Variants in DNAH11 observed in about 807,000 individuals in gnomAD.
DNAH11 encodes the protein dynein axonemal heavy chain 11.
DNAH11 carries 442 observed loss-of-function variants against 526.0 expected under a neutral mutation model. The ratio of observed to expected loss-of-function variants is 0.84; its 90% CI spans 0.78 to 0.91. The LOEUF (loss-of-function observed/expected upper bound fraction) is 0.91. DNAH11 is among the 40% of genes least tolerant of loss of function. The pLI is 0.00. For missense variants in DNAH11, 6,989 were observed against 5,448.7 expected (o/e 1.28, Z -8.90); for synonymous variants, 2,461 against 1,935.9 (o/e 1.27, Z -7.12).
chr7:21,638,081 A>G (rs1017525215), intron 27 of DNAH11, among the ~76,000 whole-genome samples: 5 of 152,182 alleles, frequency 3.3e-5, no homozygotes. Context: ...TCATTTTATT[A>G]GAAATTATCC....
Position 21,637,685 on chromosome 7 carries a change from T to TA in DNAH11, c.4803dup (p.Asp1602ArgfsTer10). ...GCAGACCTAATCTCTATGAAAAACT[T>TA]AAAGATTTACAGTCCAGGTAAGAAT... On this transcript the variant is annotated frameshift_variant, in exon 27 of 82. Coordinates refer to ENST00000409508, the MANE Select transcript of DNAH11 (RefSeq NM_001277115.2). LOFTEE classifies it high-confidence loss of function. 6.4e-7 allele frequency: 1 copy of TA among 1,566,470 alleles called. No homozygotes were observed. Among genetic ancestry groups the TA allele is most frequent in the Non-Finnish European group, 8.7e-7 (1 of 1,155,712 alleles).
intron 45 of DNAH11, among the ~76,000 whole-genome samples, chr7:21,733,224 T>C (rs996178290): frequency 6.6e-6 from 1 of 152,188 alleles, no homozygotes; most frequent in African/African-American, 2.4e-5. Flanking sequence ...TCTTCTGTAC[T>C]AAAAATACAA....
intron 61 of DNAH11, among the ~76,000 whole-genome samples, chr7:21,791,496 A>G (rs146556920): frequency 4.5e-4 from 69 of 152,312 alleles, no homozygotes; most frequent in African/African-American, 1.7e-3. Flanking sequence ...CATACATTGC[A>G]AAGATAGTGT....
At chr7:21,857,359 T>C (rs1206296088) in intron 68 of DNAH11, among the ~76,000 whole-genome samples, 2 of 152,200 alleles carry the variant, frequency 1.3e-5, no homozygotes, top group African/African-American at 4.8e-5. Context: ...TCAGTTGGAA[T>C]GCTCAATATT....
At chr7:21,726,589 C>T (rs1027604992) in intron 45 of DNAH11, among the ~76,000 whole-genome samples, 27 of 151,738 alleles carry the variant, frequency 1.8e-4, no homozygotes, top group Non-Finnish European at 2.5e-4. Flanking sequence ...TGGCCAGGCG[C>T]GGTGGTTCAT....
rs1788091484 is a variant in DNAH11 at position 21,784,552 on chromosome 7, T to G, written c.9597+12T>G. 1.3e-6 allele frequency: 2 copies of G among 1,570,026 alleles called. No individual in the cohort carries two copies. Among genetic ancestry groups the G allele is most frequent in the Non-Finnish European group, 1.7e-6 (2 of 1,153,964 alleles). ...ATACACTCAACAGGGTAAAGATAAT[T>G]TATTGGTCCCTGAGTTTCCTCAAAG... On this transcript the variant is annotated intron_variant, in intron 58 of 81. Transcript: ENST00000409508.
In DNAH11 at chr7:21,710,622, T is replaced by C. The variant is rs753869841; in HGVS notation, c.6753T>C (p.Asp2251=). ...ILREQANLKH[D]GPKWIVLDGD... ...GAGAACAAGCAAATCTTAAGCATGATGGACCAAAATGGATAGTCCTGGATG... is the reference window on the plus strand; with the variant it reads ...GAGAACAAGCAAATCTTAAGCATGACGGACCAAAATGGATAGTCCTGGATG... The change falls in exon 41 of 82, where the codon GAT becomes GAC. Residue 2251 remains aspartate (D), a synonymous_variant. Transcript: ENST00000409508. The C allele has an allele frequency of 2.5e-6, 4 of 1,613,406 alleles. No homozygotes were observed. The South Asian group carries it at 4.4e-5, about 18-fold the overall frequency.
chr7:21,722,522 G>C (rs1388896707), intron 44 of DNAH11, among the ~76,000 whole-genome samples: 2 of 152,072 alleles, frequency 1.3e-5, no homozygotes, highest in African/African-American at 4.8e-5. Flanking sequence ...GATATAATCT[G>C]TTGGCCAGTT....
At position 21,842,766 on chromosome 7, in the gene DNAH11, A is replaced by G. The variant is rs371959142; in HGVS notation, c.10896+18A>G. Reference sequence around the variant, plus strand: ...AACTTAAGGTAAAAATGTTTACGTCACCACCAACACTTAGTCGGCATTTGC... The same window carrying G: ...AACTTAAGGTAAAAATGTTTACGTCGCCACCAACACTTAGTCGGCATTTGC... On this transcript the variant is annotated intron_variant, in intron 66 of 81. Transcript: ENST00000409508. 35 of 1,580,264 alleles carry G rather than the reference A, an allele frequency of 2.2e-5. No individual in the cohort carries two copies. The African/African-American group carries it at 4.3e-4, about 20-fold the overall frequency.
rs554866907 is a variant in DNAH11, at chr7:21,557,513, C to T, written c.496-1289C>T. Among the ~76,000 whole-genome samples, 55 of 152,250 alleles carry T rather than the reference C, an allele frequency of 3.6e-4. 1 individual carries two copies. The highest frequency in any genetic ancestry group is 1.2e-3 in the African/African-American group (51 of 41,570). ...GTCTTCACATGGTGGAAGGGGCGAA[C>T]AAGCTCCGTTGGTCCTATTTTATGG... is the stretch of plus-strand genomic sequence containing the variant. On this transcript the variant is annotated intron_variant, in intron 2 of 81. Coordinates refer to ENST00000409508, the MANE Select transcript of DNAH11 (RefSeq NM_001277115.2).
chr7:21,739,596 A>G lies in DNAH11; in HGVS notation c.7837A>G (p.Lys2613Glu). 1 of 1,612,750 alleles carries G rather than the reference A, an allele frequency of 6.2e-7. No homozygotes were observed. Among genetic ancestry groups the G allele is most frequent in the East Asian group, 2.2e-5 (1 of 44,856 alleles). ...GTATGATAGACAGAAGGTGATGCTT[A>G]AAGAAATCCATAACTGCCAGTATGT... ...HWYDRQKVML[K>E]EIHNCQYVAC... Residue 2613 changes from lysine to glutamate, a missense_variant, in exon 48 of 82, where the codon AAA (lysine) becomes GAA (glutamate). Physicochemically the swap from Lys to Glu is moderately conservative, Grantham distance 56. Coordinates refer to ENST00000409508, the MANE Select transcript of DNAH11 (RefSeq NM_001277115.2).
intron 14 of DNAH11, among the ~76,000 whole-genome samples, chr7:21,593,672 T>A (rs1784769768): frequency 6.6e-6 from 1 of 152,102 alleles, no homozygotes; most frequent in African/African-American, 2.4e-5. Context: ...AGGAATGTGG[T>A]GCTCACAGAT....
At chr7:21,882,115 T>C (rs1783945347) in intron 75 of DNAH11, among the ~76,000 whole-genome samples, 4 of 152,328 alleles carry the variant, frequency 2.6e-5, no homozygotes, top group Admixed American at 2.6e-4. Context: ...ATAACTGTCC[T>C]GTGAGGCTGC....
chr7:21,890,367 C>G (rs1784288663), intron 76 of DNAH11, among the ~76,000 whole-genome samples: 1 of 152,206 alleles, frequency 6.6e-6, no homozygotes, highest in Admixed American at 6.5e-5. Context: ...GGGCCATTTG[C>G]AATCCCATCA....
intron 65 of DNAH11, among the ~76,000 whole-genome samples, chr7:21,837,530 G>C (rs1446480958): frequency 6.6e-6 from 1 of 152,098 alleles, no homozygotes; most frequent in Non-Finnish European, 1.5e-5. Flanking sequence ...AGCTGATCTT[G>C]GAAGTAGAGT....
intron 65 of DNAH11, among the ~76,000 whole-genome samples, chr7:21,824,414 T>C (rs1469874695): frequency 6.6e-6 from 1 of 152,106 alleles, no homozygotes; most frequent in Non-Finnish European, 1.5e-5. Context: ...ATAGTAAATA[T>C]TATTTACTTA....
intron 63 of DNAH11, among the ~76,000 whole-genome samples, chr7:21,808,377 C>G (rs1445855971): frequency 6.6e-6 from 1 of 152,034 alleles, no homozygotes; most frequent in Non-Finnish European, 1.5e-5. Context: ...TTTATTTTTT[C>G]TCTGTGTTAA....
intron 31 of DNAH11, among the ~76,000 whole-genome samples, chr7:21,682,969 A>C (rs1338903812): frequency 6.6e-6 from 1 of 152,196 alleles, no homozygotes; most frequent in African/African-American, 2.4e-5. Flanking sequence ...TGAACTGTTT[A>C]TATCTAACTA....
rs190585297 is a variant in DNAH11 at position 21,873,128 on chromosome 7, G to C, written c.11968-146G>C. 9.4e-4 allele frequency: 686 copies of C among 730,758 alleles called. 3 individuals carry two copies. In the African/African-American group the frequency reaches 0.011, roughly 12 times the overall value. The allele number at this position is 730,758 out of a possible 1,614,324, so 45.3% of individuals were successfully genotyped here. On this transcript the variant is annotated intron_variant, in intron 73 of 81. Coordinates refer to ENST00000409508, the MANE Select transcript of DNAH11 (RefSeq NM_001277115.2). ...TTGATGTATTGATGTATTGATAAAG[G>C]AAAATTTTTATGATGTATTGATAAA...
Sources: gnomAD v4.1 joint callset for allele counts (sites outside exome capture counted in the v4.1 genomes callset) on GRCh38, gnomAD v4.1.1 for gene constraint, MANE v1.5 for transcripts, NCBI Gene and HGNC (gene_info 2026-07-23, HGNC 2026-07-21) for gene names.